PACRG: variants seen among roughly 807,000 people sequenced by gnomAD.
PACRG encodes the protein parkin coregulated gene protein.
In PACRG, 29 loss-of-function variants were observed where a neutral mutation model predicts 29.7. That is an observed-to-expected ratio of 0.98 (90% CI 0.73 to 1.33). The LOEUF is 1.33. Among genes scored for constraint, PACRG ranks in the 40% most tolerant of loss-of-function variants. PACRG has a pLI of 0.00. For missense variants in PACRG, 279 were observed against 316.2 expected, an observed-to-expected ratio of 0.88 and a Z score of 0.89; for synonymous variants, 116 against 118.7, an observed-to-expected ratio of 0.98 and a Z score of 0.15.
At chr6:163,311,204 T>C (rs1228960233) in intron 4 of PACRG, among the ~76,000 whole-genome samples, 1 of 152,206 alleles carries the variant, frequency 6.6e-6, no homozygotes, top group Non-Finnish European at 1.5e-5. Context: ...ACTAAATCCC[T>C]CGTTCTCCTC....
At chr6:162,897,084 T>C (rs957000447) in intron 2 of PACRG, among the ~76,000 whole-genome samples, 12 of 152,152 alleles carry the variant, frequency 7.9e-5, no homozygotes, top group African/African-American at 1.2e-4. Context: ...TGTTAATGAG[T>C]GTCAGCAATT....
At chr6:163,082,079 A>G (rs1410150704) in intron 3 of PACRG, among the ~76,000 whole-genome samples, 1 of 152,240 alleles carries the variant, frequency 6.6e-6, no homozygotes, top group Non-Finnish European at 1.5e-5. Flanking sequence ...GTAAGTATAT[A>G]AAAGTCATAT....
intron 4 of PACRG, among the ~76,000 whole-genome samples, chr6:163,197,685 A>T (rs1009924626): frequency 6.6e-6 from 1 of 151,514 alleles, no homozygotes; most frequent in Non-Finnish European, 1.5e-5. Context: ...TTCTGACCTC[A>T]TGATCCGCCT....
chr6:162,966,095 A>G (rs181955017), intron 2 of PACRG, among the ~76,000 whole-genome samples: 36 of 152,364 alleles, frequency 2.4e-4, no homozygotes, highest in African/African-American at 6.7e-4. Flanking sequence ...GCAGGTGTTT[A>G]GTATTTGTTG....
At chr6:162,791,433 T>C (rs9365492) in intron 1 of PACRG, among the ~76,000 whole-genome samples, 26,338 of 151,656 alleles carry the variant, frequency 0.17, 2,952 homozygotes, top group East Asian at 0.47. Context: ...TTTTAAAATA[T>C]GTCAGAACAA....
chr6:162,951,609 C>G (rs1041153261), intron 2 of PACRG, among the ~76,000 whole-genome samples: 3 of 152,208 alleles, frequency 2.0e-5, no homozygotes, highest in Admixed American at 1.3e-4. Flanking sequence ...CCTCTCACAG[C>G]TATTGCTGCC....
chr6:162,784,784 A>G (rs1219008398), intron 1 of PACRG, among the ~76,000 whole-genome samples: 2 of 152,206 alleles, frequency 1.3e-5, no homozygotes, highest in African/African-American at 4.8e-5. Context: ...CTCTAGAGCA[A>G]TACTTGAAAA....
intron 2 of PACRG, among the ~76,000 whole-genome samples, chr6:162,878,162 CAAGTGT>C (rs1172265257): frequency 6.6e-6 from 1 of 152,026 alleles, no homozygotes; most frequent in East Asian, 1.9e-4. Flanking sequence ...TTGTAAGATG[CAAGTGT>C]AAGTGTGAGA....
At chr6:162,965,586 ACTG>A (rs1427228867) in intron 2 of PACRG, among the ~76,000 whole-genome samples, 1 of 152,202 alleles carries the variant, frequency 6.6e-6, no homozygotes, top group Non-Finnish European at 1.5e-5. Context: ...TCCCAAAGGC[ACTG>A]CTTCCTAACA....
At chr6:163,259,130 GC>G (rs1783225786) in intron 4 of PACRG, among the ~76,000 whole-genome samples, 2 of 152,294 alleles carry the variant, frequency 1.3e-5, no homozygotes, top group South Asian at 4.1e-4. Flanking sequence ...AGGTCATTAA[GC>G]AACCAAGACA....
intron 4 of PACRG, among the ~76,000 whole-genome samples, chr6:163,142,297 A>T (rs1449734596): frequency 1.3e-5 from 2 of 152,218 alleles, no homozygotes; most frequent in Non-Finnish European, 2.9e-5. Flanking sequence ...AATAAAATAC[A>T]CGTTTCACCA....
At chr6:162,729,594 T>A (rs1779588655) in intron 1 of PACRG, among the ~76,000 whole-genome samples, 1 of 152,152 alleles carries the variant, frequency 6.6e-6, no homozygotes, top group Non-Finnish European at 1.5e-5. Context: ...ATAAATTGGT[T>A]CTCCTAGGAG....
At chr6:163,307,191 A>G (rs1785222783) in intron 4 of PACRG, among the ~76,000 whole-genome samples, 1 of 152,228 alleles carries the variant, frequency 6.6e-6, no homozygotes, top group African/African-American at 2.4e-5. Context: ...CTCTTAGGCC[A>G]AGATTCATGA....
chr6:163,168,558 A>AAACAAC (rs10684097), intron 4 of PACRG, among the ~76,000 whole-genome samples: 241 of 151,670 alleles, frequency 1.6e-3, no homozygotes, highest in Middle Eastern at 3.4e-3. Context: ...TATTCTAATA[A>AAACAAC]AACAACAACA....
chr6:162,869,319 C>A (rs370006218), intron 2 of PACRG, among the ~76,000 whole-genome samples: 2 of 152,050 alleles, frequency 1.3e-5, no homozygotes, highest in East Asian at 3.9e-4. Context: ...ACCTTGTCTG[C>A]AAAAGGCTGA....
chr6:162,743,496 T>C (rs923182368), intron 1 of PACRG, among the ~76,000 whole-genome samples: 2 of 152,168 alleles, frequency 1.3e-5, no homozygotes, highest in Admixed American at 6.5e-5. Context: ...TTCTCATTGC[T>C]AATTTATTAA....
At chr6:162,903,747 A>AC (rs1404008572) in intron 2 of PACRG, among the ~76,000 whole-genome samples, 1 of 152,158 alleles carries the variant, frequency 6.6e-6, no homozygotes, top group Non-Finnish European at 1.5e-5. Context: ...ACTGTCTCTT[A>AC]CTTTTTTGTC....
chr6:163,119,497 GAGA>G (rs1816168364), intron 4 of PACRG, among the ~76,000 whole-genome samples: 1 of 152,232 alleles, frequency 6.6e-6, no homozygotes, highest in Non-Finnish European at 1.5e-5. Context: ...TTTGAAGGGA[GAGA>G]AGAAGCCCCA....
chr6:163,061,177 C>T (rs928018008), intron 2 of PACRG, among the ~76,000 whole-genome samples: 2 of 152,040 alleles, frequency 1.3e-5, no homozygotes, highest in African/African-American at 4.8e-5. Flanking sequence ...CTGGGAAGGC[C>T]CCATCCCTTG....
Sources: gnomAD v4.1 joint callset for allele counts (sites outside exome capture counted in the v4.1 genomes callset) on GRCh38, gnomAD v4.1.1 for gene constraint, MANE v1.5 for transcripts, NCBI Gene and HGNC (gene_info 2026-07-23, HGNC 2026-07-21) for gene names.